CMIP: variants seen among roughly 807,000 people sequenced by gnomAD.
CMIP encodes the protein c-Maf inducing protein.
A neutral mutation model predicts 97.3 loss-of-function variants in CMIP; 13 were observed. That is an observed-to-expected ratio of 0.13 (90% CI 0.09 to 0.21). CMIP has a LOEUF of 0.21. CMIP is among the 10% of genes least tolerant of loss of function. The pLI is 1.00. For missense variants in CMIP, 847 were observed against 1,024.9 expected, an observed-to-expected ratio of 0.83 and a Z score of 2.37; for synonymous variants, 538 against 436.3, an observed-to-expected ratio of 1.23 and a Z score of -2.91.
chr16:81,488,104 T>A (rs2089347010), intron 1 of CMIP, among the ~76,000 whole-genome samples: 1 of 11,370 alleles, frequency 8.8e-5, no homozygotes, highest in Non-Finnish European at 1.5e-4. Context: ...CTGAGACTGC[T>A]GCATGACTTT....
At chr16:81,708,529 A>G (rs1193559002) in intron 20 of CMIP, among the ~76,000 whole-genome samples, 5 of 152,170 alleles carry the variant, frequency 3.3e-5, no homozygotes, top group Non-Finnish European at 7.4e-5. Flanking sequence ...TTTTATTTTC[A>G]CACATTTGAG....
At chr16:81,580,395 T>C (rs2150904153) in intron 1 of CMIP, among the ~76,000 whole-genome samples, 1 of 152,226 alleles carries the variant, frequency 6.6e-6, no homozygotes, top group South Asian at 2.1e-4. Flanking sequence ...GCCCACTTAA[T>C]TTATTTTGGG....
At chr16:81,699,601 G>C in intron 14 of CMIP, 84 bp from the exon 15 acceptor site, 1 of 840,760 alleles carries the variant, frequency 1.2e-6, no homozygotes, top group Admixed American at 2.0e-5. Context: ...CTGTTCAACG[G>C]CTCTTGGGCT....
chr16:81,470,697 A>G (rs1907469892), intron 1 of CMIP, among the ~76,000 whole-genome samples: 1 of 152,212 alleles, frequency 6.6e-6, no homozygotes, highest in Non-Finnish European at 1.5e-5. Context: ...AGCTCAAGGG[A>G]TCCTCCCACC....
At chr16:81,568,465 G>C (rs867487583) in intron 1 of CMIP, among the ~76,000 whole-genome samples, 1 of 152,146 alleles carries the variant, frequency 6.6e-6, no homozygotes, top group Non-Finnish European at 1.5e-5. Flanking sequence ...CTGGGGCCCC[G>C]GGCAAGGGCA....
chr16:81,543,193 C>G (rs1049023922), intron 1 of CMIP, among the ~76,000 whole-genome samples: 2 of 152,194 alleles, frequency 1.3e-5, no homozygotes, highest in African/African-American at 4.8e-5. Context: ...GAGAGGTGGG[C>G]TGGGTCTGAC....
At chr16:81,598,385 A>G (rs775431704) in intron 1 of CMIP, among the ~76,000 whole-genome samples, 6 of 152,148 alleles carry the variant, frequency 3.9e-5, no homozygotes, top group Non-Finnish European at 2.9e-5. Context: ...CCTCCACCAC[A>G]CTGGCCATAT....
At chr16:81,545,051 C>T (rs991794766) in intron 1 of CMIP, among the ~76,000 whole-genome samples, 2 of 152,056 alleles carry the variant, frequency 1.3e-5, no homozygotes, top group African/African-American at 2.4e-5. Flanking sequence ...TTGCTGTTGC[C>T]CAAAAGAGCC....
intron 3 of CMIP, among the ~76,000 whole-genome samples, chr16:81,645,090 T>G (rs2092348859): frequency 6.6e-6 from 1 of 152,246 alleles, no homozygotes; most frequent in Non-Finnish European, 1.5e-5. Context: ...ACCGAGTAAC[T>G]GTAATGTTAC....
Position 81,652,128 on chromosome 16 carries a change from T to C in CMIP, c.478-75T>C, listed in dbSNP as rs182217777. On this transcript the variant is annotated intron_variant, in intron 3 of 20. Transcript: ENST00000537098. The surrounding 1 kb of genome is among the most constrained non-coding windows in gnomAD (Gnocchi z 5.2). ...GCCCTTTACACCCTAACCCATCTGA[T>C]TCTTTGATTGTCTTCCATCTTCTGC... The C allele has an allele frequency of 5.6e-6, 7 of 1,257,774 alleles. No homozygotes were observed. The highest frequency in any genetic ancestry group is 1.5e-5 in the African/African-American group (1 of 67,724). 77.9% of individuals were successfully genotyped at this position (1,257,774 alleles called of 1,614,324 possible).
At chr16:81,470,675 C>T (rs1907468690) in intron 1 of CMIP, among the ~76,000 whole-genome samples, 1 of 152,238 alleles carries the variant, frequency 6.6e-6, no homozygotes, top group Non-Finnish European at 1.5e-5. Flanking sequence ...CCAGGCTGGT[C>T]TTGAGCTCTT....
At chr16:81,693,550 C>T in intron 13 of CMIP, 63 bp downstream of exon 13, 1 of 1,529,168 alleles carries the variant, frequency 6.5e-7, no homozygotes, top group Non-Finnish European at 8.9e-7. Context: ...CACGAGGGCC[C>T]CTTAGAGGCC....
chr16:81,504,965 T>C (rs2089681621), intron 1 of CMIP, among the ~76,000 whole-genome samples: 1 of 152,268 alleles, frequency 6.6e-6, no homozygotes, highest in African/African-American at 2.4e-5. Flanking sequence ...TAGACCCTGC[T>C]CTTTTGACCC....
intron 3 of CMIP, among the ~76,000 whole-genome samples, chr16:81,646,082 G>T (rs1419177338): frequency 6.6e-6 from 1 of 151,678 alleles, no homozygotes; most frequent in Non-Finnish European, 1.5e-5. Flanking sequence ...AGTATGGATG[G>T]TAGATGGGTG....
At chr16:81,666,905 C>T (rs919834034) in intron 7 of CMIP, 2 of 152,072 alleles carry the variant, frequency 1.3e-5, no homozygotes, top group Non-Finnish European at 2.9e-5. Flanking sequence ...CTGAATGCGC[C>T]CTGATGCTTA....
At chr16:81,601,050 G>A (rs1371594852) in intron 1 of CMIP, among the ~76,000 whole-genome samples, 2 of 152,176 alleles carry the variant, frequency 1.3e-5, no homozygotes, top group Non-Finnish European at 2.9e-5. Flanking sequence ...CCGCTTCCAC[G>A]TAGGGAGAGA....
At chr16:81,554,385 G>T (rs562922881) in intron 1 of CMIP, among the ~76,000 whole-genome samples, 1 of 152,184 alleles carries the variant, frequency 6.6e-6, no homozygotes, top group East Asian at 1.9e-4. Flanking sequence ...AGAGAGTTGG[G>T]CAGGAGATTC....
At chr16:81,498,454 G>C (rs556971871) in intron 1 of CMIP, among the ~76,000 whole-genome samples, 11 of 152,190 alleles carry the variant, frequency 7.2e-5, no homozygotes, top group African/African-American at 2.7e-4. Flanking sequence ...GGGGCTGCTC[G>C]GCAGCTCTGA....
chr16:81,661,611 C>T (rs1000508527), intron 6 of CMIP, among the ~76,000 whole-genome samples: 2 of 152,240 alleles, frequency 1.3e-5, no homozygotes, highest in African/African-American at 4.8e-5. Flanking sequence ...TTACCTGCCT[C>T]CTGCCACGGT....
Sources: gnomAD v4.1 joint callset for allele counts (sites outside exome capture counted in the v4.1 genomes callset) on GRCh38, gnomAD v4.1.1 for gene constraint, Gnocchi (gnomAD v3.1) non-coding constraint, MANE v1.5 for transcripts, NCBI Gene and HGNC (gene_info 2026-07-23, HGNC 2026-07-21) for gene names.